DYNC2I1: variants seen among roughly 807,000 people sequenced by gnomAD.
DYNC2I1 encodes dynein 2 intermediate chain 1, also known as cytoplasmic dynein 2 intermediate chain 1.
DYNC2I1 carries 89 observed loss-of-function variants against 133.4 expected under a neutral mutation model. The observed-to-expected ratio is 0.67, with a 90% CI of 0.56 to 0.80. The LOEUF is 0.80. Among genes scored for constraint, DYNC2I1 ranks in the 30% least tolerant of loss-of-function variants. DYNC2I1 has a pLI of 0.00. For missense variants in DYNC2I1, 1,291 were observed against 1,314.5 expected, an observed-to-expected ratio of 0.98 and a Z score of 0.28; for synonymous variants, 504 against 484.3, an observed-to-expected ratio of 1.04 and a Z score of -0.54.
chr7:158,889,935 G>A (rs575489958), intron 7 of DYNC2I1, among the ~76,000 whole-genome samples: 7 of 151,202 alleles, frequency 4.6e-5, no homozygotes, highest in African/African-American at 1.7e-4. Context: ...GAACCCGGGA[G>A]GTGGAGGTTG....
At chr7:158,921,918 G>C (rs1336261693) in intron 15 of DYNC2I1, among the ~76,000 whole-genome samples, 1 of 152,236 alleles carries the variant, frequency 6.6e-6, no homozygotes, top group Non-Finnish European at 1.5e-5. Context: ...CCCTCGCCGG[G>C]TGGAGCAGTG....
chr7:158,871,401 A>T lies in DYNC2I1; in HGVS notation c.329A>T (p.Glu110Val). 1.9e-6 allele frequency: 3 copies of T among 1,551,752 alleles called. No homozygotes were observed. Among genetic ancestry groups the T allele is most frequent in the Non-Finnish European group, 2.6e-6 (3 of 1,147,008 alleles). The change falls in exon 3 of 25, where the codon GAG (glutamate) becomes GTG (valine). Residue 110 changes from glutamate to valine, a missense_variant. Physicochemically the swap from Glu to Val is moderately radical, Grantham distance 121. Transcript: ENST00000407559. ...GAAAAGCTGAAGGAGAAACATCGAG[A>T]GGCAGAAAAGTCTCACAGCAGAGGA... is the stretch of plus-strand genomic sequence containing the variant. The part of the protein sequence containing the change: ...EKEKLKEKHR[E>V]AEKSHSRGKD...
intron 8 of DYNC2I1, among the ~76,000 whole-genome samples, chr7:158,901,052 C>T (rs1409904302): frequency 6.6e-6 from 1 of 152,114 alleles, no homozygotes; most frequent in East Asian, 1.9e-4. Flanking sequence ...ATGTCTGGAA[C>T]TGGTGCTTGC....
At chr7:158,941,615 C>G (rs1030097943) in intron 23 of DYNC2I1, among the ~76,000 whole-genome samples, 2 of 152,198 alleles carry the variant, frequency 1.3e-5, no homozygotes, top group East Asian at 3.8e-4. Flanking sequence ...GGCATGATGG[C>G]TCACACCTGT....
chr7:158,911,419 C>A, intron 11 of DYNC2I1, 131 bp from the exon 12 acceptor site: 3 of 982,588 alleles, frequency 3.1e-6, no homozygotes, highest in Non-Finnish European at 4.4e-6. Flanking sequence ...ATATCTCAGA[C>A]TCACCCCAGC....
At chr7:158,847,448 A>C in the DYNC2I1 span, among the ~76,000 whole-genome samples, 1 of 152,142 alleles carries the variant, frequency 6.6e-6, no homozygotes, top group East Asian at 1.9e-4. Context: ...ACAGAAAAAA[A>C]AGGCACAGAA....
At chr7:158,881,484 C>T (rs991011111) in intron 5 of DYNC2I1, among the ~76,000 whole-genome samples, 8 of 152,042 alleles carry the variant, frequency 5.3e-5, no homozygotes, top group African/African-American at 1.2e-4. Context: ...GACAGAGTCT[C>T]GCTCTGTCGC....
At chr7:158,927,523 A>G (rs1387371363) in intron 20 of DYNC2I1, among the ~76,000 whole-genome samples, 1 of 151,996 alleles carries the variant, frequency 6.6e-6, no homozygotes, top group East Asian at 1.9e-4. Context: ...GGGCATCTCA[A>G]TTAACTAGAA....
intron 1 of DYNC2I1, among the ~76,000 whole-genome samples, chr7:158,864,453 G>A (rs1244121894): frequency 6.6e-6 from 1 of 152,162 alleles, no homozygotes; most frequent in Admixed American, 6.5e-5. Flanking sequence ...CTGGAAGGAA[G>A]AGTGGATTTA....
intron 15 of DYNC2I1, among the ~76,000 whole-genome samples, chr7:158,920,668 C>T (rs1416516189): frequency 6.6e-6 from 1 of 152,160 alleles, no homozygotes; most frequent in African/African-American, 2.4e-5. Flanking sequence ...CCCACATGTT[C>T]AAGGAGTGGA....
At chr7:158,919,312 A>G (rs1453720415) in intron 15 of DYNC2I1, among the ~76,000 whole-genome samples, 1 of 152,216 alleles carries the variant, frequency 6.6e-6, no homozygotes, top group Non-Finnish European at 1.5e-5. Flanking sequence ...TTTAGTGTAG[A>G]TAGACTTAGA....
At chr7:158,873,571 T>A (rs1045600687) in intron 3 of DYNC2I1, among the ~76,000 whole-genome samples, 3 of 152,204 alleles carry the variant, frequency 2.0e-5, no homozygotes, top group African/African-American at 7.2e-5. Flanking sequence ...GATGGGTTAG[T>A]TGGGTTACCA....
chr7:158,863,662 G>C (rs1197583950), intron 1 of DYNC2I1, among the ~76,000 whole-genome samples: 1 of 74,106 alleles, frequency 1.3e-5, no homozygotes, highest in Non-Finnish European at 2.6e-5. Context: ...TTAGCTGGGG[G>C]GGGGTGTGGG....
intron 4 of DYNC2I1, among the ~76,000 whole-genome samples, chr7:158,954,966 TCTC>T (rs964951006): frequency 6.7e-6 from 1 of 149,284 alleles, no homozygotes; most frequent in East Asian, 2.1e-4. Flanking sequence ...TAGACAACCT[TCTC>T]CTCCCTCCAG....
chr7:158,913,946 A>G (rs1262272916), intron 13 of DYNC2I1, among the ~76,000 whole-genome samples: 1 of 152,120 alleles, frequency 6.6e-6, no homozygotes. Context: ...CTGACCTCAG[A>G]TGATCCACCT....
chr7:158,951,193 G>T (rs963483289), intron 4 of DYNC2I1, among the ~76,000 whole-genome samples: 3 of 152,218 alleles, frequency 2.0e-5, no homozygotes, highest in African/African-American at 7.2e-5. Flanking sequence ...TTTTTTCTGT[G>T]TTACTTAAGC....
downstream of DYNC2I1, among the ~76,000 whole-genome samples, chr7:158,947,919 G>T (rs1340006901): frequency 6.6e-6 from 1 of 152,242 alleles, no homozygotes; most frequent in African/African-American, 2.4e-5. Flanking sequence ...CCTTGAATGT[G>T]TCCTTCCCAG....
the DYNC2I1 span, among the ~76,000 whole-genome samples, chr7:158,847,603 A>G: frequency 6.6e-6 from 1 of 152,196 alleles, no homozygotes; most frequent in African/African-American, 2.4e-5. Flanking sequence ...TAGCTCACTG[A>G]ATGCATAAGG....
intron 11 of DYNC2I1, among the ~76,000 whole-genome samples, chr7:158,906,950 A>G (rs1846880747): frequency 6.6e-6 from 1 of 152,146 alleles, no homozygotes; most frequent in Non-Finnish European, 1.5e-5. Context: ...AGCCTGAGCA[A>G]GGAGGAGTTC....
Sources: gnomAD v4.1 joint callset for allele counts (sites outside exome capture counted in the v4.1 genomes callset) on GRCh38, gnomAD v4.1.1 for gene constraint, MANE v1.5 for transcripts, NCBI Gene and HGNC (gene_info 2026-07-23, HGNC 2026-07-21) for gene names.